Variants in GRIK2 observed in about 807,000 individuals in gnomAD.
GRIK2 encodes glutamate receptor ionotropic, kainate 2.
GRIK2 carries 32 observed loss-of-function variants against 100.3 expected under a neutral mutation model. The ratio of observed to expected loss-of-function variants is 0.32; its 90% CI spans 0.24 to 0.43. The LOEUF (loss-of-function observed/expected upper bound fraction) is 0.43, where lower values mean the gene tolerates loss of function less well. Ranked by LOEUF, GRIK2 falls within the 20% of genes least tolerant of loss-of-function variation. GRIK2 has a pLI of 1.00. For missense variants in GRIK2, 843 were observed against 1,114.9 expected (o/e 0.76, Z 3.47); for synonymous variants, 417 against 389.4 (o/e 1.07, Z -0.83).
intron 16 of GRIK2, 22 bp from the exon 17 acceptor site, chr6:102,068,325 A>C (rs1335848081): frequency 6.4e-7 from 1 of 1,569,792 alleles, no homozygotes; most frequent in South Asian, 1.1e-5. Flanking sequence ...GTAATATTTA[A>C]TTTTTCTGTG....
At chr6:101,645,533 T>C (rs1401600543) in intron 4 of GRIK2, among the ~76,000 whole-genome samples, 1 of 151,972 alleles carries the variant, frequency 6.6e-6, no homozygotes, top group Non-Finnish European at 1.5e-5. Flanking sequence ...AAAGGTTTGC[T>C]TATCAAAATT....
chr6:101,804,019 CT>C (rs1780832052), intron 9 of GRIK2, among the ~76,000 whole-genome samples: 1 of 151,752 alleles, frequency 6.6e-6, no homozygotes, highest in Non-Finnish European at 1.5e-5. Flanking sequence ...CCTCAAGGGG[CT>C]TTTCATGTAC....
chr6:101,806,716 A>T (rs1463160126), intron 9 of GRIK2, among the ~76,000 whole-genome samples: 1 of 151,442 alleles, frequency 6.6e-6, no homozygotes, highest in African/African-American at 2.4e-5. Flanking sequence ...AGCCAGGAAT[A>T]TCCATTCCCA....
chr6:101,508,556 T>C (rs530969023), intron 2 of GRIK2, among the ~76,000 whole-genome samples: 2 of 152,282 alleles, frequency 1.3e-5, no homozygotes, highest in Admixed American at 1.3e-4. Context: ...TTATATATTA[T>C]CCTACCCTTA....
At chr6:101,902,928 A>G (rs1406452177) in intron 12 of GRIK2, among the ~76,000 whole-genome samples, 4 of 151,914 alleles carry the variant, frequency 2.6e-5, no homozygotes, top group Non-Finnish European at 1.5e-5. Flanking sequence ...TTGTGTTCAT[A>G]GTCTCAAATT....
rs371609039 is a variant in GRIK2, at chr6:101,928,406, C to G, written c.1868-9C>G. The G allele has an allele frequency of 6.2e-6, 9 of 1,461,504 alleles. No individual in the cohort carries two copies. The highest frequency in any genetic ancestry group is 7.7e-6 in the Non-Finnish European group (8 of 1,041,014). The allele number at this position is 1,461,504 out of a possible 1,614,324, so 90.5% of individuals were successfully genotyped here. On this transcript the variant is annotated splice_polypyrimidine_tract_variant and intron_variant, in intron 13 of 16. Coordinates refer to ENST00000369134, the MANE Select transcript of GRIK2 (RefSeq NM_021956.5). The stretch of plus-strand genomic sequence containing the variant: ...ATATTCGTTTCACCTTTCCCCCACT[C>G]TCTGTTAGGTTCTGAGCTCATGCCC...
At chr6:101,852,973 A>G (rs965037918) in intron 10 of GRIK2, among the ~76,000 whole-genome samples, 2 of 152,170 alleles carry the variant, frequency 1.3e-5, no homozygotes, top group African/African-American at 4.8e-5. Context: ...ATGTGATCAA[A>G]TGTTACATAA....
chr6:101,725,177 C>T (rs1321738614), intron 7 of GRIK2, among the ~76,000 whole-genome samples: 1 of 152,052 alleles, frequency 6.6e-6, no homozygotes, highest in Non-Finnish European at 1.5e-5. Context: ...TCTGTTCCTT[C>T]AAAGTGAACT....
At chr6:102,051,251 CCCTTCCTTCCTTCCTTCCTTCCTTCCTT>C (rs369459574) in intron 15 of GRIK2, among the ~76,000 whole-genome samples, 85 of 122,140 alleles carry the variant, frequency 7.0e-4, no homozygotes, top group Non-Finnish European at 1.1e-3. Context: ...TTCCCTCCCT[CCCTTCCTTCCTTCCTTCCTTCCTTCCTT>C]CCTTCCTTCC....
chr6:101,654,663 T>C (rs983689343), intron 4 of GRIK2, among the ~76,000 whole-genome samples: 1 of 152,180 alleles, frequency 6.6e-6, no homozygotes, highest in African/African-American at 2.4e-5. Flanking sequence ...TGGTTTTCTA[T>C]CTCAACTAGG....
chr6:101,826,823 A>T (rs147433105), intron 10 of GRIK2, among the ~76,000 whole-genome samples: 1 of 152,196 alleles, frequency 6.6e-6, no homozygotes, highest in East Asian at 1.9e-4. Context: ...AGCATGAATG[A>T]TAGTCACTAT....
intron 2 of GRIK2, among the ~76,000 whole-genome samples, chr6:101,595,716 GTGTATATATA>G (rs1297399744): frequency 2.2e-5 from 3 of 133,766 alleles, no homozygotes; most frequent in Non-Finnish European, 3.2e-5. Context: ...GTGTGTGTGT[GTGTATATATA>G]TATATATATA....
intron 7 of GRIK2, among the ~76,000 whole-genome samples, chr6:101,707,445 C>T (rs913153891): frequency 6.9e-6 from 1 of 145,724 alleles, no homozygotes; most frequent in Non-Finnish European, 1.5e-5. Context: ...TATACATTAT[C>T]ACAATTCTTT....
At chr6:101,767,903 G>A (rs1378206557) in intron 7 of GRIK2, among the ~76,000 whole-genome samples, 2 of 151,772 alleles carry the variant, frequency 1.3e-5, no homozygotes, top group African/African-American at 4.8e-5. Context: ...TGTCACCCAG[G>A]CCGGAGTGCA....
intron 14 of GRIK2, among the ~76,000 whole-genome samples, chr6:101,949,173 T>TTTGTTG (rs200852528): frequency 6.6e-6 from 1 of 151,832 alleles, no homozygotes; most frequent in Non-Finnish European, 1.5e-5. Flanking sequence ...TAAGAGAGCT[T>TTTGTTG]TTGTTGTTGT....
chr6:101,630,252 A>G (rs1465891967), intron 4 of GRIK2, among the ~76,000 whole-genome samples: 1 of 152,106 alleles, frequency 6.6e-6, no homozygotes, highest in Non-Finnish European at 1.5e-5. Flanking sequence ...TGCTGAGTCA[A>G]ATGTCGTTCT....
At chr6:101,878,072 ATATTATATTATAT>A (rs1785980878) in intron 11 of GRIK2, among the ~76,000 whole-genome samples, 1 of 6,912 alleles carries the variant, frequency 1.4e-4, no homozygotes, top group Admixed American at 1.6e-3. Flanking sequence ...CGTGCCAGGT[ATATTATATTATAT>A]TATATTATAT....
At chr6:101,467,754 A>T (rs992233591) in intron 2 of GRIK2, among the ~76,000 whole-genome samples, 34 of 152,314 alleles carry the variant, frequency 2.2e-4, no homozygotes, top group African/African-American at 7.7e-4. Context: ...ACAGTGAAAC[A>T]TCTACATACA....
chr6:101,780,833 C>T (rs995517386), intron 7 of GRIK2, among the ~76,000 whole-genome samples: 2 of 152,156 alleles, frequency 1.3e-5, no homozygotes, highest in Non-Finnish European at 2.9e-5. Context: ...TACACTAGGG[C>T]CTTTGCCCTT....
Sources: allele counts gnomAD v4.1 joint callset (sites outside exome capture counted in the v4.1 genomes callset), GRCh38; gene constraint gnomAD v4.1.1; transcripts MANE v1.5; gene names NCBI Gene and HGNC (gene_info 2026-07-23, HGNC 2026-07-21).